The following HCN1 variants were observed in gnomAD, a reference collection of about 807,000 sequenced individuals.
HCN1 encodes the protein hyperpolarization activated cyclic nucleotide gated potassium channel 1.
A neutral mutation model predicts 78.9 loss-of-function variants in HCN1; 13 were observed. The observed-to-expected ratio is 0.16, with a 90% confidence interval of 0.11 to 0.26. The LOEUF (loss-of-function observed/expected upper bound fraction) is 0.26. Among genes scored for constraint, HCN1 ranks in the 10% least tolerant of loss-of-function variants. HCN1 has a pLI of 1.00. For synonymous variants in HCN1, 552 were observed against 455.5 expected, an observed-to-expected ratio of 1.21 and a Z score of -2.70; for missense variants, 810 against 1,154.3, an observed-to-expected ratio of 0.70 and a Z score of 4.32.
At chr5:45,351,088 A>G (rs973657849) in intron 5 of HCN1, among the ~76,000 whole-genome samples, 2 of 152,124 alleles carry the variant, frequency 1.3e-5, no homozygotes, top group African/African-American at 4.8e-5. Flanking sequence ...AGCCAAAAGA[A>G]CAAAGCTGGA....
intron 1 of HCN1, among the ~76,000 whole-genome samples, chr5:45,668,785 A>G (rs908860631): frequency 2.0e-5 from 3 of 151,862 alleles, no homozygotes; most frequent in East Asian, 2.0e-4. Flanking sequence ...CCACTTTGCT[A>G]TTTTCCAAAT....
At chr5:45,448,003 G>A (rs1740834950) in intron 3 of HCN1, among the ~76,000 whole-genome samples, 1 of 151,512 alleles carries the variant, frequency 6.6e-6, no homozygotes, top group Non-Finnish European at 1.5e-5. Context: ...ACTGCTATAT[G>A]TTTTTTATAA....
intron 3 of HCN1, among the ~76,000 whole-genome samples, chr5:45,428,943 A>G (rs775286305): frequency 6.6e-6 from 1 of 152,180 alleles, no homozygotes; most frequent in Non-Finnish European, 1.5e-5. Flanking sequence ...AAATGGAAAC[A>G]ATATTCTGTA....
At chr5:45,333,713 G>C (rs1746394597) in intron 5 of HCN1, among the ~76,000 whole-genome samples, 1 of 151,706 alleles carries the variant, frequency 6.6e-6, no homozygotes, top group African/African-American at 2.4e-5. Context: ...TGGATACCCA[G>C]TTTTTCCAGC....
At chr5:45,370,437 T>C (rs1210060926) in intron 4 of HCN1, among the ~76,000 whole-genome samples, 2 of 152,042 alleles carry the variant, frequency 1.3e-5, no homozygotes, top group South Asian at 2.1e-4. Context: ...CATACTGTTA[T>C]AGGTCATAGT....
At chr5:45,265,682 A>C (rs1744841863) in intron 7 of HCN1, among the ~76,000 whole-genome samples, 2 of 152,220 alleles carry the variant, frequency 1.3e-5, no homozygotes, top group Non-Finnish European at 2.9e-5. Flanking sequence ...AGAATGAAGC[A>C]GTTGAGGTAC....
intron 2 of HCN1, among the ~76,000 whole-genome samples, chr5:45,620,248 C>A (rs1745029992): frequency 6.6e-6 from 1 of 151,816 alleles, no homozygotes; most frequent in Non-Finnish European, 1.5e-5. Flanking sequence ...CATATTTAAT[C>A]CTACAATAGG....
intron 3 of HCN1, among the ~76,000 whole-genome samples, chr5:45,435,718 T>G (rs911307800): frequency 2.6e-5 from 4 of 152,166 alleles, no homozygotes; most frequent in Non-Finnish European, 5.9e-5. Flanking sequence ...TAAGCTGGAA[T>G]CTACTAATCA....
intron 4 of HCN1, among the ~76,000 whole-genome samples, chr5:45,357,930 G>T (rs572865777): frequency 4.6e-4 from 70 of 152,014 alleles, no homozygotes; most frequent in African/African-American, 1.7e-3. Context: ...ATGATAAAAA[G>T]ATTCTGGCAC....
chr5:45,391,458 A>T (rs1739560004), intron 4 of HCN1, among the ~76,000 whole-genome samples: 1 of 152,148 alleles, frequency 6.6e-6, no homozygotes, highest in Non-Finnish European at 1.5e-5. Flanking sequence ...TTTTTCTTTT[A>T]AAACTAAATA....
At chr5:45,454,510 T>A (rs955118575) in intron 3 of HCN1, among the ~76,000 whole-genome samples, 13 of 151,286 alleles carry the variant, frequency 8.6e-5, no homozygotes, top group Non-Finnish European at 1.3e-4. Flanking sequence ...TAAAAAAAAA[T>A]AAAATCTTTC....
At chr5:45,555,656 G>A (rs957912792) in intron 2 of HCN1, among the ~76,000 whole-genome samples, 1 of 151,344 alleles carries the variant, frequency 6.6e-6, no homozygotes, top group Non-Finnish European at 1.5e-5. Flanking sequence ...ATACTACAAA[G>A]CTATGGTAAG....
In HCN1 at chr5:45,539,919, GATATATATATATATATATATATATATAT is replaced by G. The variant is rs66934051; in HGVS notation, c.850-77940_850-77913del. Among the ~76,000 whole-genome samples, 239 of 126,090 alleles carry G rather than the reference GATATATATATATATATATATATATATAT, an allele frequency of 1.9e-3. 1 individual carries two copies. The highest frequency in any genetic ancestry group is 7.0e-3 in the African/African-American group (209 of 29,960). 82.7% of individuals were successfully genotyped at this position (126,090 alleles called of 152,430 possible). ...GAAATCCCATTGTTTTAAATTGTGA[GATATATATATATATATATATATATATAT>G]ATATATATATATAAAATGTTTATCA... On this transcript the variant is annotated intron_variant, in intron 2 of 7. Transcript: ENST00000303230.
intron 1 of HCN1, among the ~76,000 whole-genome samples, chr5:45,651,759 T>C (rs2112041514): frequency 6.6e-6 from 1 of 151,996 alleles, no homozygotes; most frequent in African/African-American, 2.4e-5. Flanking sequence ...CGCAAAAAAG[T>C]TTCATTGGCC....
chr5:45,437,628 G>T (rs1306748999), intron 3 of HCN1, among the ~76,000 whole-genome samples: 2 of 152,284 alleles, frequency 1.3e-5, no homozygotes, highest in African/African-American at 4.8e-5. Context: ...TTTTCATAAA[G>T]AGTGTGACAT....
At chr5:45,309,059 T>C (rs1745795758) in intron 5 of HCN1, among the ~76,000 whole-genome samples, 1 of 152,198 alleles carries the variant, frequency 6.6e-6, no homozygotes, top group Non-Finnish European at 1.5e-5. Context: ...TGGTTTGTAC[T>C]ATCCTTTTAG....
intron 4 of HCN1, among the ~76,000 whole-genome samples, chr5:45,370,366 A>AT (rs1034498437): frequency 4.6e-5 from 7 of 151,786 alleles, no homozygotes; most frequent in South Asian, 4.2e-4. Flanking sequence ...CATTACATTA[A>AT]TTTTTTTTCT....
intron 3 of HCN1, among the ~76,000 whole-genome samples, chr5:45,458,687 C>G (rs1008670042): frequency 1.3e-5 from 2 of 152,112 alleles, no homozygotes; most frequent in African/African-American, 4.8e-5. Flanking sequence ...ATTACAGAGT[C>G]AGATATATAA....
intron 2 of HCN1, among the ~76,000 whole-genome samples, chr5:45,619,815 AC>A (rs1476402675): frequency 6.6e-6 from 1 of 152,094 alleles, no homozygotes; most frequent in Non-Finnish European, 1.5e-5. Context: ...ACTCAGGCCC[AC>A]AAATTCTTTG....
Sources: allele counts gnomAD v4.1 joint callset (sites outside exome capture counted in the v4.1 genomes callset), GRCh38; gene constraint gnomAD v4.1.1; transcripts MANE v1.5; gene names NCBI Gene and HGNC (gene_info 2026-07-23, HGNC 2026-07-21).